Variants in ASB14 observed in about 807,000 individuals in gnomAD.
ASB14 encodes the protein ankyrin repeat and SOCS box containing 14.
Under a neutral mutation model 55.6 loss-of-function variants are expected in ASB14, and 63 were observed. The observed-to-expected ratio is 1.13, with a 90% CI of 0.92 to 1.40. The LOEUF is 1.40. ASB14 is among the 40% of genes most tolerant of loss of function. ASB14 has a pLI of 0.00. For synonymous variants in ASB14, 256 were observed against 259.9 expected, an observed-to-expected ratio of 0.98 and a Z score of 0.15; for missense variants, 724 against 710.4, an observed-to-expected ratio of 1.02 and a Z score of -0.22.
chr3:57,269,708 T>G, intron 10 of ASB14, 90 bp from the exon 11 acceptor site: 1 of 1,612,022 alleles, frequency 6.2e-7, no homozygotes. Flanking sequence ...TTGGTAGATA[T>G]TCCCCCTTGG....
intron 6 of ASB14, among the ~76,000 whole-genome samples, chr3:57,282,396 G>A (rs1416843934): frequency 6.6e-6 from 1 of 152,094 alleles, no homozygotes; most frequent in African/African-American, 2.4e-5. Context: ...TTGAAAAAAA[G>A]CTTTAGATTG....
At chr3:57,270,578 AAAG>A (rs1265610102) in intron 10 of ASB14, 8 of 152,682 alleles carry the variant, frequency 5.2e-5, no homozygotes, top group African/African-American at 1.9e-4. Flanking sequence ...TGACATTTCA[AAAG>A]AAGTTCTATA....
intron 5 of ASB14, among the ~76,000 whole-genome samples, chr3:57,284,092 G>A (rs2061060683): frequency 9.2e-6 from 1 of 108,570 alleles, no homozygotes; most frequent in Non-Finnish European, 2.0e-5. Context: ...GGAACACTGT[G>A]TATGTGTGTG....
At chr3:57,283,836 TA>T (rs35410055) in intron 5 of ASB14, among the ~76,000 whole-genome samples, 100,049 of 148,940 alleles carry the variant, frequency 0.67, 33,745 homozygotes, top group East Asian at 0.92. Context: ...TGCCAAAAAT[TA>T]AAAAAAAAAC....
intron 10 of ASB14, chr3:57,271,686 GC>G (rs1351618629): frequency 6.6e-6 from 1 of 152,230 alleles, no homozygotes; most frequent in African/African-American, 2.4e-5. Flanking sequence ...CCCTTTATCA[GC>G]ACCCTGGGTC....
At chr3:57,289,703 T>TTC (rs2061113603) in intron 2 of ASB14, among the ~76,000 whole-genome samples, 3 of 139,868 alleles carry the variant, frequency 2.1e-5, no homozygotes, top group Admixed American at 7.1e-5. Context: ...TTTTTTTTTT[T>TTC]TTTTTTTGAG....
In ASB14 at chr3:57,292,049, G is replaced by T. The variant is rs77118650; in HGVS notation, c.-16C>A. 6.5e-7 allele frequency: 1 copy of T among 1,532,454 alleles called. No individual in the cohort carries two copies. The highest frequency in any genetic ancestry group is 8.7e-7 in the Non-Finnish European group (1 of 1,143,784). 94.9% of individuals were successfully genotyped at this position (1,532,454 alleles called of 1,614,324 possible). A position where few individuals can be genotyped will look rare whatever the true frequency, so the allele number is the denominator to read the frequency against. On this transcript the variant is annotated 5_prime_UTR_variant, in exon 2 of 11. Transcript: ENST00000487349. Reference sequence around the variant, plus strand: ...AATTATCCATGTGAAACGTGGACAGGTTTACTTTAAAGTCAGAGTGAATTA... The same window carrying T: ...AATTATCCATGTGAAACGTGGACAGTTTTACTTTAAAGTCAGAGTGAATTA...
intron 10 of ASB14, chr3:57,269,880 C>T: frequency 1.7e-6 from 1 of 590,132 alleles, no homozygotes; most frequent in Admixed American, 3.2e-5. Context: ...CCCCCTTAAA[C>T]ATAATGTACT....
Position 57,288,266 on chromosome 3 carries a change from G to C in ASB14, c.199C>G (p.His67Asp). 6.5e-7 allele frequency: 1 copy of C among 1,537,192 alleles called. No homozygotes were observed. Among genetic ancestry groups the C allele is most frequent in the Non-Finnish European group, 8.7e-7 (1 of 1,146,728 alleles). Reference sequence around the variant, plus strand: ...AATGCGGAATGGTACTTGGTTAAGTGTGACAATGCATCTTCCTTACCTATT... The same window carrying C: ...AATGCGGAATGGTACTTGGTTAAGTCTGACAATGCATCTTCCTTACCTATT... The part of the protein sequence containing the change: ...IEKGKEDALS[H>D]LTKYHSAFGE... Residue 67 changes from histidine to aspartate, a missense_variant, in exon 4 of 11, where the codon CAC (histidine) becomes GAC (aspartate). Physicochemically the swap from His to Asp is moderately conservative, Grantham distance 81. Coordinates refer to ENST00000487349, the MANE Select transcript of ASB14 (RefSeq NM_001142733.3).
chr3:57,275,058 A>G (rs958456614), intron 10 of ASB14, among the ~76,000 whole-genome samples: 2 of 152,230 alleles, frequency 1.3e-5, no homozygotes, highest in African/African-American at 4.8e-5. Context: ...TGAGTCATGT[A>G]CTGGGGTAAG....
In ASB14 at chr3:57,268,916, TA is replaced by T. The variant is rs1553638388; in HGVS notation, c.*724del. On this transcript the variant is annotated 3_prime_UTR_variant, in exon 11 of 11. Transcript: ENST00000487349. ...CATTGTCCATCCAACAGAATAATTT[TA>T]AAAGACAAATTTCAGAGCAAAACTT... 1 of 152,588 alleles carries T rather than the reference TA, an allele frequency of 6.6e-6. No individual in the cohort carries two copies. The highest frequency in any genetic ancestry group is 1.5e-5 in the Non-Finnish European group (1 of 68,364). 9.5% of individuals were successfully genotyped at this position (152,588 alleles called of 1,614,324 possible).
At chr3:57,289,952 C>T (rs534210112) in intron 2 of ASB14, among the ~76,000 whole-genome samples, 16 of 152,212 alleles carry the variant, frequency 1.1e-4, no homozygotes, top group African/African-American at 3.6e-4. Context: ...CGGCCACCTT[C>T]CACTCTAATT....
At chr3:57,273,636 T>G (rs1224988218) in intron 10 of ASB14, among the ~76,000 whole-genome samples, 1 of 152,170 alleles carries the variant, frequency 6.6e-6, no homozygotes, top group African/African-American at 2.4e-5. Flanking sequence ...AAGTTTGTTA[T>G]AGAAGCAAAC....
chr3:57,277,956 G>A (rs1468931313), intron 8 of ASB14, 36 bp from the exon 9 acceptor site: 3 of 1,570,588 alleles, frequency 1.9e-6, no homozygotes, highest in Non-Finnish European at 2.6e-6. Context: ...GAAAGTAAAT[G>A]AAAAACACAA....
chr3:57,288,502 C>CA (rs1244894742), intron 3 of ASB14, among the ~76,000 whole-genome samples: 3 of 152,030 alleles, frequency 2.0e-5, no homozygotes, highest in African/African-American at 4.8e-5. Flanking sequence ...TTGTTATTTA[C>CA]AAAAAACAGC....
intron 9 of ASB14, among the ~76,000 whole-genome samples, chr3:57,276,946 T>C (rs2060993899): frequency 6.6e-6 from 1 of 152,124 alleles, no homozygotes; most frequent in African/African-American, 2.4e-5. Flanking sequence ...CAATCATGGA[T>C]CTGGCCTGTG....
At position 57,280,142 on chromosome 3, in the gene ASB14, C is replaced by T. The variant is rs533588015; in HGVS notation, c.887+160G>A. ...TCTATGGTTCAGACCCAGCACCTGG[C>T]GACAGAGGGAGACAGCATCTCAAAA... On this transcript the variant is annotated intron_variant, in intron 7 of 10. Transcript: ENST00000487349. 9.2e-5 allele frequency among the ~76,000 whole-genome samples: 10 copies of T among 108,324 alleles called. No homozygotes were observed. In the East Asian group the frequency reaches 1.8e-3, roughly 20 times the overall value. 71.1% of individuals were successfully genotyped at this position (108,324 alleles called of 152,430 possible). A position where few individuals can be genotyped will look rare whatever the true frequency, so the allele number is the denominator to read the frequency against.
intron 10 of ASB14, among the ~76,000 whole-genome samples, chr3:57,274,206 A>ATTCT (rs1257906231): frequency 1.3e-5 from 2 of 152,354 alleles, no homozygotes; most frequent in East Asian, 3.9e-4. Flanking sequence ...GGACTATCTA[A>ATTCT]TTCTTTTAAA....
At chr3:57,277,953 A>C (rs1234923614) in intron 8 of ASB14, 33 bp from the exon 9 acceptor site, 3 of 1,576,760 alleles carry the variant, frequency 1.9e-6, no homozygotes, top group Non-Finnish European at 2.6e-6. Flanking sequence ...TAGGAAAGTA[A>C]ATGAAAAACA....
Sources: allele counts gnomAD v4.1 joint callset (sites outside exome capture counted in the v4.1 genomes callset), GRCh38; gene constraint gnomAD v4.1.1; transcripts MANE v1.5; gene names NCBI Gene and HGNC (gene_info 2026-07-23, HGNC 2026-07-21).